The following EIF3L variants were observed in gnomAD, a reference collection of about 807,000 sequenced individuals.
EIF3L encodes eIEF associated protein HSPC021.
In EIF3L, 32 loss-of-function variants were observed where a neutral mutation model predicts 74.6. The observed-to-expected ratio is 0.43, with a 90% confidence interval of 0.32 to 0.58. The LOEUF (loss-of-function observed/expected upper bound fraction) is 0.58, where lower values mean the gene tolerates loss of function less well. Among genes scored for constraint, EIF3L ranks in the 20% least tolerant of loss-of-function variants. EIF3L has a pLI of 0.06. For missense variants in EIF3L, 474 were observed against 707.8 expected (o/e 0.67, Z 3.75); for synonymous variants, 256 against 254.4 (o/e 1.01, Z -0.06).
At chr22:37,858,122 G>A (rs1475574627) in intron 4 of EIF3L, among the ~76,000 whole-genome samples, 2 of 151,342 alleles carry the variant, frequency 1.3e-5, no homozygotes, top group Non-Finnish European at 2.9e-5. Flanking sequence ...GCTGCAGTGA[G>A]CCATGATCAT....
intron 8 of EIF3L, among the ~76,000 whole-genome samples, chr22:37,872,305 A>T (rs1339330079): frequency 6.6e-6 from 1 of 152,062 alleles, no homozygotes; most frequent in African/African-American, 2.4e-5. Context: ...TTGTATTTTT[A>T]GTAGAACAGA....
In EIF3L at chr22:37,877,726, T is replaced by C. The variant is rs777349139; in HGVS notation, c.1130T>C (p.Met377Thr). ...MHALLAIALT[M>T]YPMRIDESIH... ...GCGCTGCTGGCCATTGCCCTCACGATGTACCCCATGCGTATTGATGAGAGC... is the reference window on the plus strand; with the variant it reads ...GCGCTGCTGGCCATTGCCCTCACGACGTACCCCATGCGTATTGATGAGAGC... Residue 377 changes from methionine to threonine, a missense_variant, in exon 11 of 13, where the codon ATG (methionine) becomes ACG (threonine). Transcript: ENST00000652021. 2.0e-5 allele frequency: 33 copies of C among 1,613,542 alleles called. No homozygotes were observed. Among genetic ancestry groups the C allele is most frequent in the Non-Finnish European group, 2.3e-5 (27 of 1,179,698 alleles).
intron 4 of EIF3L, among the ~76,000 whole-genome samples, chr22:37,857,369 C>CAAA (rs375301957): frequency 2.4e-3 from 137 of 57,992 alleles, no homozygotes; most frequent in East Asian, 0.013. Flanking sequence ...GACTGCGTCC[C>CAAA]AAAAAAAAAA....
At chr22:37,874,290 C>G (rs1197336965) in intron 8 of EIF3L, 80 bp from the exon 9 acceptor site, 1 of 1,478,406 alleles carries the variant, frequency 6.8e-7, no homozygotes, top group East Asian at 2.4e-5. Flanking sequence ...GGTGAGATGC[C>G]TACTGAGTAA....
intron 9 of EIF3L, among the ~76,000 whole-genome samples, chr22:37,875,321 T>C (rs943927567): frequency 2.7e-5 from 4 of 150,488 alleles, no homozygotes; most frequent in Admixed American, 6.6e-5. Flanking sequence ...GAGGTTGCAG[T>C]GAGCCGAGAT....
At chr22:37,876,499 C>T (rs1304595246) in intron 10 of EIF3L, 1 of 152,382 alleles carries the variant, frequency 6.6e-6, no homozygotes, top group African/African-American at 2.4e-5. Flanking sequence ...TGGGGTTTCA[C>T]TATTTGGCCA....
chr22:37,867,573 A>G (rs1017570926), intron 7 of EIF3L, among the ~76,000 whole-genome samples: 2 of 149,726 alleles, frequency 1.3e-5, no homozygotes, highest in African/African-American at 4.9e-5. Flanking sequence ...GATGAGAATC[A>G]CTTGAACCGA....
At chr22:37,872,227 C>T (rs1926514824) in intron 8 of EIF3L, among the ~76,000 whole-genome samples, 1 of 152,002 alleles carries the variant, frequency 6.6e-6, no homozygotes, top group Non-Finnish European at 1.5e-5. Context: ...AAGCGATTCT[C>T]CTGTCTCAGC....
chr22:37,872,078 C>T (rs1204723441), intron 8 of EIF3L, among the ~76,000 whole-genome samples: 1 of 151,230 alleles, frequency 6.6e-6, no homozygotes, highest in African/African-American at 2.4e-5. Flanking sequence ...TAACGTTATT[C>T]GTCACTTCTG....
At chr22:37,872,841 A>G (rs1601773454) in intron 8 of EIF3L, among the ~76,000 whole-genome samples, 1 of 151,830 alleles carries the variant, frequency 6.6e-6, no homozygotes, top group South Asian at 2.1e-4. Flanking sequence ...GCCCAGGCCA[A>G]TCTTGAACTC....
intron 8 of EIF3L, among the ~76,000 whole-genome samples, 157 bp from the exon 9 acceptor site, chr22:37,874,213 G>A (rs919618008): frequency 6.6e-6 from 1 of 152,158 alleles, no homozygotes; most frequent in African/African-American, 2.4e-5. Context: ...GATTGGTTTT[G>A]CTGTTTCTTG....
At chr22:37,858,491 G>T in intron 4 of EIF3L, 188 bp from the exon 5 acceptor site, 1 of 649,724 alleles carries the variant, frequency 1.5e-6, no homozygotes, top group Non-Finnish European at 2.7e-6. Flanking sequence ...CATCGACAGA[G>T]ATTGAGGTTG....
rs61737832 is a variant in EIF3L at position 37,875,900 on chromosome 22, A to G, written c.966A>G (p.Ala322=). ...CCACATACTATTATGTTGGGTTTGC[A>G]TATTTGATGATGCGTCGTTACCAGG... is the stretch of plus-strand genomic sequence containing the variant. ...QVTTYYYVGF[A]YLMMRRYQDA... The change falls in exon 10 of 13, where the codon GCA becomes GCG. Residue 322 remains alanine, a synonymous_variant. Transcript: ENST00000652021. The G allele has an allele frequency of 6.2e-4, 993 of 1,614,102 alleles. 6 individuals carry two copies. The African/African-American group carries it at 0.011, about 18-fold the overall frequency.
chr22:37,857,548 T>G (rs529828457), intron 4 of EIF3L, among the ~76,000 whole-genome samples: 47 of 151,414 alleles, frequency 3.1e-4, no homozygotes, highest in South Asian at 1.9e-3. Context: ...CTTTTTTTTT[T>G]CCCCCTAAGA....
chr22:37,883,383 C>G (rs1488650053), intron 11 of EIF3L: 1 of 149,756 alleles, frequency 6.7e-6, no homozygotes, highest in African/African-American at 2.5e-5. Flanking sequence ...AGATCAAGAC[C>G]ATCCTGGCTA....
intron 8 of EIF3L, among the ~76,000 whole-genome samples, chr22:37,872,986 TTTTTTA>T (rs1293454496): frequency 1.3e-5 from 2 of 152,108 alleles, no homozygotes; most frequent in African/African-American, 4.8e-5. Flanking sequence ...TTTTCCTTCT[TTTTTTA>T]TTTTTATTTT....
At chr22:37,882,670 C>G (rs1003315596) in intron 11 of EIF3L, 5 of 151,428 alleles carry the variant, frequency 3.3e-5, no homozygotes, top group Admixed American at 2.0e-4. Flanking sequence ...GAGTGAGAGA[C>G]TGTCTCAAAA....
At chr22:37,865,032 C>T (rs561894188) in intron 7 of EIF3L, among the ~76,000 whole-genome samples, 11 of 152,160 alleles carry the variant, frequency 7.2e-5, no homozygotes, top group Non-Finnish European at 1.5e-4. Context: ...TGTTCAATGT[C>T]ATCATTATTC....
In EIF3L at chr22:37,851,321, C is replaced by G. The variant is rs1925209283; in HGVS notation, c.124C>G (p.Gln42Glu). The change falls in exon 3 of 13, where the codon CAG (glutamine) becomes GAG (glutamate). Residue 42 changes from glutamine to glutamate, a missense_variant. Transcript: ENST00000652021. Reference protein sequence around the residue: ...QDLAYERQYEQQTYQVIPEVI... With the variant: ...QDLAYERQYEEQTYQVIPEVI... ...CCTTGCTTATGAACGTCAGTATGAACAGCAAACCTATCAGGTGATCCCTGA... is the reference window on the plus strand; with the variant it reads ...CCTTGCTTATGAACGTCAGTATGAAGAGCAAACCTATCAGGTGATCCCTGA... 1 of 1,614,046 alleles carries G rather than the reference C, an allele frequency of 6.2e-7. No homozygotes were observed. Among genetic ancestry groups the G allele is most frequent in the African/African-American group, 1.3e-5 (1 of 74,918 alleles).
Sources: gnomAD v4.1 joint callset for allele counts (sites outside exome capture counted in the v4.1 genomes callset) on GRCh38, gnomAD v4.1.1 for gene constraint, MANE v1.5 for transcripts, NCBI Gene and HGNC (gene_info 2026-07-23, HGNC 2026-07-21) for gene names.